MORC1: variants seen among roughly 807,000 people sequenced by gnomAD.
MORC1 encodes MORC family CW-type zinc finger 1.
MORC1 carries 59 observed loss-of-function variants against 134.9 expected under a neutral mutation model. The observed-to-expected ratio is 0.44, with a 90% CI of 0.35 to 0.54. The LOEUF (loss-of-function observed/expected upper bound fraction) is 0.54. Ranked by LOEUF, MORC1 falls within the 20% of genes least tolerant of loss-of-function variation. The pLI is 0.00. For synonymous variants in MORC1, 395 were observed against 391.7 expected (o/e 1.01, Z -0.10); for missense variants, 947 against 1,134.5 (o/e 0.83, Z 2.37).
At chr3:108,982,739 AAAG>A (rs1218227113) in intron 23 of MORC1, among the ~76,000 whole-genome samples, 110 of 147,842 alleles carry the variant, frequency 7.4e-4, no homozygotes, top group South Asian at 1.5e-3. Flanking sequence ...AAAAAAAAAA[AAAG>A]AAGAAGAAGA....
At chr3:109,100,346 T>C in intron 5 of MORC1, 71 bp downstream of exon 5, 1 of 1,161,640 alleles carries the variant, frequency 8.6e-7, no homozygotes, top group Non-Finnish European at 1.3e-6. Context: ...TGCATCATTC[T>C]GTGTAAATTG....
intron 17 of MORC1, among the ~76,000 whole-genome samples, chr3:109,023,015 C>T (rs570628072): frequency 1.4e-4 from 21 of 145,418 alleles, no homozygotes; most frequent in Middle Eastern, 4.3e-3. Context: ...GAAGAAGGTA[C>T]TTTTCTAAGT....
chr3:109,102,414 C>G (rs969883258), intron 4 of MORC1, among the ~76,000 whole-genome samples: 1 of 151,854 alleles, frequency 6.6e-6, no homozygotes, highest in African/African-American at 2.4e-5. Context: ...GGAAAATGTA[C>G]ATTAAAAGAA....
At chr3:109,063,498 A>T (rs1037595961) in intron 9 of MORC1, among the ~76,000 whole-genome samples, 85 of 152,112 alleles carry the variant, frequency 5.6e-4, no homozygotes, top group African/African-American at 2.0e-3. Context: ...TTAGACATCT[A>T]AAATAGGATA....
intron 24 of MORC1, among the ~76,000 whole-genome samples, chr3:108,973,213 G>A (rs995772343): frequency 7.9e-5 from 12 of 152,132 alleles, no homozygotes; most frequent in Non-Finnish European, 4.4e-5. Context: ...GACCTTCAGT[G>A]CCCCACAGAG....
intron 21 of MORC1, among the ~76,000 whole-genome samples, chr3:108,995,929 T>G (rs1948190780): frequency 1.3e-5 from 2 of 152,128 alleles, no homozygotes; most frequent in Non-Finnish European, 2.9e-5. Context: ...TAAAGTGTAT[T>G]TATGTACTTC....
chr3:108,982,991 C>T (rs1254343506), intron 23 of MORC1, among the ~76,000 whole-genome samples: 1 of 149,352 alleles, frequency 6.7e-6, no homozygotes, highest in Non-Finnish European at 1.5e-5. Context: ...CTGTTTCTAA[C>T]ATTCATATTG....
At chr3:109,096,955 A>G (rs1950841310) in intron 6 of MORC1, among the ~76,000 whole-genome samples, 3 of 151,820 alleles carry the variant, frequency 2.0e-5, no homozygotes, top group Admixed American at 6.6e-5. Flanking sequence ...AGAATACAAT[A>G]GCTAAAAAAC....
intron 27 of MORC1, among the ~76,000 whole-genome samples, chr3:108,960,059 A>C (rs6782499): frequency 0.36 from 55,022 of 152,106 alleles, 10,713 homozygotes; most frequent in Non-Finnish European, 0.43. Flanking sequence ...AAAAAGAGAG[A>C]AATCAGCAGT....
chr3:108,968,225 G>T (rs903193258), intron 26 of MORC1, among the ~76,000 whole-genome samples: 2 of 152,200 alleles, frequency 1.3e-5, no homozygotes, highest in Non-Finnish European at 2.9e-5. Flanking sequence ...TTCAGTTACT[G>T]CTTTTACAGC....
At chr3:108,982,577 G>A (rs1287657497) in intron 23 of MORC1, among the ~76,000 whole-genome samples, 2 of 134,336 alleles carry the variant, frequency 1.5e-5, no homozygotes, top group Admixed American at 7.2e-5. Flanking sequence ...GGGACCTGTC[G>A]TGGGATGGGG....
chr3:109,000,611 C>A lies in MORC1; in HGVS notation c.2133G>T (p.Glu711Asp), dbSNP rs1199712593. ...MKRKQSLNFV[E>D]ECKVLTEDEN... ...CATCTTCAGTCAATACCTTACATTCCTCTACAAAGTTCAGACTCTGCTTCC... is the reference window on the plus strand; with the variant it reads ...CATCTTCAGTCAATACCTTACATTCATCTACAAAGTTCAGACTCTGCTTCC... The change falls in exon 21 of 28, where the codon GAG (glutamate) becomes GAT (aspartate). Residue 711 changes from glutamate to aspartate, a missense_variant. Glu to Asp is a conservative substitution (Grantham distance 45). Transcript: ENST00000232603. 1.9e-6 allele frequency: 3 copies of A among 1,611,592 alleles called. No homozygotes were observed. Among genetic ancestry groups the A allele is most frequent in the Non-Finnish European group, 1.7e-6 (2 of 1,179,128 alleles).
intron 24 of MORC1, among the ~76,000 whole-genome samples, chr3:108,976,606 T>C (rs2107424019): frequency 6.6e-6 from 1 of 152,324 alleles, no homozygotes; most frequent in East Asian, 1.9e-4. Context: ...AGAAAACTGG[T>C]ATGACAAGGA....
chr3:109,106,006 C>G (rs2107791070), intron 3 of MORC1, among the ~76,000 whole-genome samples: 1 of 152,322 alleles, frequency 6.6e-6, no homozygotes, highest in South Asian at 2.1e-4. Context: ...CTGATATTTC[C>G]TCACTGTTTA....
intron 5 of MORC1, 75 bp from the exon 6 acceptor site, chr3:109,099,541 C>T: frequency 1.9e-6 from 2 of 1,062,164 alleles, no homozygotes; most frequent in South Asian, 3.3e-5. Context: ...ACTGTTATCA[C>T]CGTGTACTGT....
chr3:108,961,909 A>G (rs1190565697), intron 27 of MORC1, among the ~76,000 whole-genome samples: 1 of 152,232 alleles, frequency 6.6e-6, no homozygotes, highest in East Asian at 1.9e-4. Flanking sequence ...AGGAAGTGGT[A>G]TTCAATTTCT....
chr3:109,107,817 A>T (rs1210834576), intron 3 of MORC1, among the ~76,000 whole-genome samples: 1 of 152,216 alleles, frequency 6.6e-6, no homozygotes, highest in Non-Finnish European at 1.5e-5. Flanking sequence ...TGAACAGGTA[A>T]ATCAATAAAA....
At chr3:109,113,856 T>G (rs2107809080) in intron 2 of MORC1, among the ~76,000 whole-genome samples, 1 of 152,326 alleles carries the variant, frequency 6.6e-6, no homozygotes, top group Non-Finnish European at 1.5e-5. Flanking sequence ...TTATGTGACT[T>G]TGAATAAATC....
intron 3 of MORC1, among the ~76,000 whole-genome samples, chr3:109,108,496 A>G (rs1951086172): frequency 6.6e-6 from 1 of 152,072 alleles, no homozygotes; most frequent in Non-Finnish European, 1.5e-5. Context: ...TTCTCATGAA[A>G]TCTTGCCTAG....
Sources: allele counts gnomAD v4.1 joint callset (sites outside exome capture counted in the v4.1 genomes callset), GRCh38; gene constraint gnomAD v4.1.1; transcripts MANE v1.5; gene names NCBI Gene and HGNC (gene_info 2026-07-23, HGNC 2026-07-21).